GRIP1: variants seen among roughly 807,000 people sequenced by gnomAD.
The protein encoded by GRIP1 is glutamate receptor interacting protein 1.
GRIP1 carries 45 observed loss-of-function variants against 129.9 expected under a neutral mutation model. The ratio of observed to expected loss-of-function variants is 0.35; its 90% CI spans 0.27 to 0.44. The LOEUF (loss-of-function observed/expected upper bound fraction) is 0.44, where lower values mean the gene tolerates loss of function less well. GRIP1 is among the 20% of genes least tolerant of loss of function. The pLI, the probability that GRIP1 is intolerant of heterozygous loss-of-function variation, is 1.00. For synonymous variants in GRIP1, 530 were observed against 520.8 expected (o/e 1.02, Z -0.24); for missense variants, 1,196 against 1,396.8 (o/e 0.86, Z 2.29).
chr12:66,727,478 G>A (rs2036293187), intron 1 of GRIP1, among the ~76,000 whole-genome samples: 1 of 152,130 alleles, frequency 6.6e-6, no homozygotes, highest in Non-Finnish European at 1.5e-5. Flanking sequence ...GAGACCCATG[G>A]AGCAGAGTGA....
intron 2 of GRIP1, among the ~76,000 whole-genome samples, chr12:66,586,208 C>A (rs7970852): frequency 6.6e-6 from 1 of 152,068 alleles, no homozygotes; most frequent in African/African-American, 2.4e-5. Context: ...ACCTTTTCAC[C>A]GAATCTATTT....
At chr12:67,031,640 G>C (rs1002413647) in intron 1 of GRIP1, among the ~76,000 whole-genome samples, 1 of 151,954 alleles carries the variant, frequency 6.6e-6, no homozygotes, top group Non-Finnish European at 1.5e-5. Flanking sequence ...TTACCTGACC[G>C]CTCTCTCTAT....
chr12:66,729,068 TA>T (rs777207280), intron 1 of GRIP1, among the ~76,000 whole-genome samples: 192 of 137,634 alleles, frequency 1.4e-3, no homozygotes, highest in African/African-American at 4.9e-3. Flanking sequence ...TTTTTTTTTT[TA>T]AAGAGATGGG....
rs1199865133 is a variant in GRIP1, at chr12:66,739,266, G to A, written c.-420+64787C>T. Among the ~76,000 whole-genome samples, 11 of 152,106 alleles carry A rather than the reference G, an allele frequency of 7.2e-5. 1 individual carries two copies. Among genetic ancestry groups the A allele is most frequent in the Admixed American group, 5.9e-4 (9 of 15,268 alleles). On this transcript the variant is annotated intron_variant, in intron 1 of 4. Transcript: ENST00000538373. ...AATGTAAACCTCACAGAACTCTTAT[G>A]TCCTATAATTTATCTCAATTTTACA...
intron 1 of GRIP1, among the ~76,000 whole-genome samples, chr12:66,837,714 T>C (rs1210489948): frequency 6.6e-6 from 1 of 152,144 alleles, no homozygotes; most frequent in Admixed American, 6.5e-5. Flanking sequence ...AGAAAGTCTG[T>C]AGGGAGGTAG....
At chr12:66,872,626 G>A (rs557387583) in intron 1 of GRIP1, among the ~76,000 whole-genome samples, 1 of 152,056 alleles carries the variant, frequency 6.6e-6, no homozygotes, top group Admixed American at 6.6e-5. Context: ...AAAACATCTG[G>A]TGCTTCAAAG....
chr12:66,744,452 C>A (rs886376718), intron 1 of GRIP1, among the ~76,000 whole-genome samples: 5 of 152,166 alleles, frequency 3.3e-5, no homozygotes, highest in African/African-American at 1.2e-4. Flanking sequence ...TCTGGTTCCT[C>A]TTTCTCCATG....
intron 1 of GRIP1, among the ~76,000 whole-genome samples, chr12:66,742,797 T>C (rs1406239899): frequency 6.6e-6 from 1 of 152,032 alleles, no homozygotes; most frequent in African/African-American, 2.4e-5. Flanking sequence ...TAATAAAAAA[T>C]AGAGAATGTC....
chr12:66,938,885 A>T (rs2041535576), intron 1 of GRIP1, among the ~76,000 whole-genome samples: 1 of 152,124 alleles, frequency 6.6e-6, no homozygotes, highest in South Asian at 2.1e-4. Context: ...TGAACCTGGG[A>T]GGTGGAGGTT....
At chr12:66,577,255 T>A (rs1244624216) in intron 2 of GRIP1, among the ~76,000 whole-genome samples, 1 of 152,140 alleles carries the variant, frequency 6.6e-6, no homozygotes, top group East Asian at 1.9e-4. Context: ...TGGGTAGCGG[T>A]TCAAGATAAG....
chr12:66,458,627 C>T (rs1044315694), intron 9 of GRIP1, among the ~76,000 whole-genome samples: 5 of 152,168 alleles, frequency 3.3e-5, no homozygotes, highest in Admixed American at 6.5e-5. Flanking sequence ...TCAGGTGATC[C>T]GCCTGCCTCG....
chr12:66,624,691 G>A (rs1412830629), intron 1 of GRIP1, among the ~76,000 whole-genome samples: 1 of 152,118 alleles, frequency 6.6e-6, no homozygotes, highest in East Asian at 1.9e-4. Flanking sequence ...TCTAAGGAAA[G>A]ACAGTGGTTA....
chr12:66,902,016 A>C (rs1307920315), intron 1 of GRIP1, among the ~76,000 whole-genome samples: 1 of 152,228 alleles, frequency 6.6e-6, no homozygotes, highest in Non-Finnish European at 1.5e-5. Flanking sequence ...TTGCAGTCAG[A>C]AATACTTGGT....
intron 1 of GRIP1, among the ~76,000 whole-genome samples, chr12:66,660,715 C>A (rs984612891): frequency 6.6e-6 from 1 of 152,022 alleles, no homozygotes; most frequent in Non-Finnish European, 1.5e-5. Flanking sequence ...AAGAAGCCTA[C>A]GTTATTAGTT....
intron 1 of GRIP1, among the ~76,000 whole-genome samples, chr12:66,799,087 C>A (rs895745024): frequency 6.6e-6 from 1 of 152,108 alleles, no homozygotes; most frequent in Non-Finnish European, 1.5e-5. Flanking sequence ...AGTTGATTAA[C>A]TTGTTTGTAT....
intron 11 of GRIP1, among the ~76,000 whole-genome samples, chr12:66,453,508 T>C (rs1401085930): frequency 6.6e-6 from 1 of 152,238 alleles, no homozygotes; most frequent in African/African-American, 2.4e-5. Flanking sequence ...GTTAAAAAGA[T>C]TGAACTTTGA....
chr12:66,642,170 A>G (rs927921293), intron 1 of GRIP1, among the ~76,000 whole-genome samples: 3 of 152,190 alleles, frequency 2.0e-5, no homozygotes, highest in Non-Finnish European at 2.9e-5. Context: ...CACAACAGGA[A>G]CAACTAAACC....
intron 1 of GRIP1, among the ~76,000 whole-genome samples, chr12:66,712,111 TTTC>T (rs1565981895): frequency 6.6e-6 from 1 of 151,982 alleles, no homozygotes; most frequent in Non-Finnish European, 1.5e-5. Context: ...ATCATATACG[TTTC>T]TTAACATTCA....
intron 1 of GRIP1, among the ~76,000 whole-genome samples, chr12:66,720,735 G>T (rs910977009): frequency 6.6e-6 from 1 of 152,116 alleles, no homozygotes; most frequent in Admixed American, 6.6e-5. Flanking sequence ...CAGCAATTAG[G>T]TCATATCTTT....
Sources: gnomAD v4.1 joint callset for allele counts (sites outside exome capture counted in the v4.1 genomes callset) on GRCh38, gnomAD v4.1.1 for gene constraint, MANE v1.5 for transcripts, NCBI Gene and HGNC (gene_info 2026-07-23, HGNC 2026-07-21) for gene names.